Variants in RIT2 observed in about 807,000 individuals in gnomAD.
The protein encoded by RIT2 is GTP-binding protein Rit2.
RIT2 carries 24 observed loss-of-function variants against 23.7 expected under a neutral mutation model. The observed-to-expected ratio is 1.01, with a 90% CI of 0.73 to 1.43. RIT2 has a LOEUF of 1.43. RIT2 is among the 40% of genes most tolerant of loss of function. The probability of loss-of-function intolerance (pLI) is 0.00; values close to 1 mark genes in which losing one functional copy is unlikely to be tolerated. For missense variants in RIT2, 236 were observed against 266.9 expected (o/e 0.88, Z 0.81); for synonymous variants, 107 against 91.1 (o/e 1.17, Z -0.99).
chr18:42,768,846 C>T (rs1218484660), intron 4 of RIT2, among the ~76,000 whole-genome samples: 4 of 151,810 alleles, frequency 2.6e-5, no homozygotes, highest in Admixed American at 2.0e-4. Flanking sequence ...GCCCTGAAGG[C>T]CTTCTCCCAC....
chr18:43,083,343 T>C (rs1598776087), intron 1 of RIT2, among the ~76,000 whole-genome samples: 1 of 152,208 alleles, frequency 6.6e-6, no homozygotes, highest in Non-Finnish European at 1.5e-5. Flanking sequence ...CTTATCAAGC[T>C]ACCATTGACT....
At chr18:42,981,158 G>T (rs536217953) in intron 2 of RIT2, among the ~76,000 whole-genome samples, 1 of 152,170 alleles carries the variant, frequency 6.6e-6, no homozygotes, top group South Asian at 2.1e-4. Context: ...AAGGGGAAGA[G>T]AAGAAAATAA....
chr18:42,974,643 A>G (rs1568044138), intron 2 of RIT2, among the ~76,000 whole-genome samples: 1 of 152,052 alleles, frequency 6.6e-6, no homozygotes, highest in Admixed American at 6.6e-5. Context: ...CTCTGTTCAC[A>G]GACAACATGA....
chr18:43,106,042 TCA>T (rs1174419433), intron 1 of RIT2, among the ~76,000 whole-genome samples: 7 of 152,214 alleles, frequency 4.6e-5, no homozygotes, highest in Non-Finnish European at 4.4e-5. Flanking sequence ...AGTGAATTAC[TCA>T]CCATCTTCAA....
At chr18:42,808,812 TA>T (rs1309818890) in intron 4 of RIT2, among the ~76,000 whole-genome samples, 1 of 152,172 alleles carries the variant, frequency 6.6e-6, no homozygotes, top group Non-Finnish European at 1.5e-5. Context: ...ATCTTAGCTC[TA>T]AAAACAGCCA....
At chr18:42,841,299 C>G (rs979638852) in intron 4 of RIT2, among the ~76,000 whole-genome samples, 3 of 152,152 alleles carry the variant, frequency 2.0e-5, no homozygotes, top group Admixed American at 6.5e-5. Flanking sequence ...CTTCAGTTTG[C>G]ATAATAGCAG....
At chr18:43,085,356 T>G (rs1430244172) in intron 1 of RIT2, among the ~76,000 whole-genome samples, 2 of 151,992 alleles carry the variant, frequency 1.3e-5, no homozygotes. Context: ...GTAGCAAGAG[T>G]GTGAAAAAAA....
chr18:42,765,429 G>C (rs1050350415), intron 4 of RIT2, among the ~76,000 whole-genome samples: 4 of 152,158 alleles, frequency 2.6e-5, no homozygotes, highest in Non-Finnish European at 2.9e-5. Flanking sequence ...TTAAAATTCT[G>C]TTTGTGGCTT....
At chr18:43,032,677 T>C (rs8096982) in intron 2 of RIT2, among the ~76,000 whole-genome samples, 31,309 of 123,034 alleles carry the variant, frequency 0.25, 3,756 homozygotes, top group East Asian at 0.48. Flanking sequence ...TTTCCAGTTA[T>C]CACATACTAA....
At position 42,863,459 on chromosome 18, in the gene RIT2, G is replaced by A. The variant is rs372683694; in HGVS notation, c.426+60113C>T. ...TTTAACTCTGCCTGATTTTCTTTGT[G>A]GTATTTTTACCAGTGAAGAAGAAAA... On this transcript the variant is annotated intron_variant, in intron 4 of 4. Coordinates refer to ENST00000326695, the MANE Select transcript of RIT2 (RefSeq NM_002930.4). 1.1e-4 allele frequency among the ~76,000 whole-genome samples: 16 copies of A among 152,002 alleles called. No individual in the cohort carries two copies. The East Asian group carries it at 3.1e-3, about 29-fold the overall frequency.
At chr18:43,112,922 T>G (rs988095121) in intron 1 of RIT2, among the ~76,000 whole-genome samples, 1 of 152,082 alleles carries the variant, frequency 6.6e-6, no homozygotes, top group Non-Finnish European at 1.5e-5. Context: ...GAAGAGCAGA[T>G]CTCTTCTGGA....
intron 4 of RIT2, among the ~76,000 whole-genome samples, chr18:42,770,197 C>T (rs1913519254): frequency 6.6e-6 from 1 of 152,106 alleles, no homozygotes. Context: ...CACCTGGGCA[C>T]TGAATGACAA....
At chr18:42,984,424 T>C (rs1200820676) in intron 2 of RIT2, among the ~76,000 whole-genome samples, 1 of 152,034 alleles carries the variant, frequency 6.6e-6, no homozygotes, top group African/African-American at 2.4e-5. Flanking sequence ...AAAATATGGC[T>C]TCATAAGGCA....
chr18:42,949,916 T>C (rs1909810770), intron 3 of RIT2, among the ~76,000 whole-genome samples: 1 of 152,114 alleles, frequency 6.6e-6, no homozygotes, highest in African/African-American at 2.4e-5. Flanking sequence ...AAAGAATAAA[T>C]ATCTGCTACT....
At chr18:42,972,299 T>G (rs1910380166) in intron 3 of RIT2, among the ~76,000 whole-genome samples, 1 of 151,950 alleles carries the variant, frequency 6.6e-6, no homozygotes, top group African/African-American at 2.4e-5. Context: ...AAGTCCATTG[T>G]TCAAATGTTT....
chr18:42,987,188 G>A (rs184186219), intron 2 of RIT2, among the ~76,000 whole-genome samples: 9 of 152,222 alleles, frequency 5.9e-5, no homozygotes, highest in Admixed American at 1.3e-4. Context: ...GTGTGCGTAC[G>A]TATACACACA....
At chr18:42,804,887 T>C (rs1366180520) in intron 4 of RIT2, among the ~76,000 whole-genome samples, 1 of 152,182 alleles carries the variant, frequency 6.6e-6, no homozygotes, top group Non-Finnish European at 1.5e-5. Flanking sequence ...ACACATGAGA[T>C]AGTGCGCAGG....
At chr18:42,906,037 CAT>C (rs1185537188) in intron 4 of RIT2, among the ~76,000 whole-genome samples, 1 of 43,924 alleles carries the variant, frequency 2.3e-5, no homozygotes, top group Non-Finnish European at 4.6e-5. Context: ...TATATATATA[CAT>C]ATATATATCT....
At chr18:42,798,855 G>A (rs1339859348) in intron 4 of RIT2, among the ~76,000 whole-genome samples, 1 of 152,184 alleles carries the variant, frequency 6.6e-6, no homozygotes, top group African/African-American at 2.4e-5. Flanking sequence ...GGAGCCTGGT[G>A]ATAACTCTGA....
Sources: allele counts gnomAD v4.1 joint callset (sites outside exome capture counted in the v4.1 genomes callset), GRCh38; gene constraint gnomAD v4.1.1; transcripts MANE v1.5; gene names NCBI Gene and HGNC (gene_info 2026-07-23, HGNC 2026-07-21).